The following TTC33 variants were observed in gnomAD, a reference collection of about 807,000 sequenced individuals.
TTC33 encodes tetratricopeptide repeat protein 33.
TTC33 carries 24 observed loss-of-function variants against 29.4 expected under a neutral mutation model. The observed-to-expected ratio is 0.82, with a 90% confidence interval of 0.59 to 1.15. The LOEUF is 1.15. Among genes scored for constraint, TTC33 ranks in the 50% most tolerant of loss-of-function variants. The probability of loss-of-function intolerance (pLI) is 0.00; values close to 1 mark genes in which losing one functional copy is unlikely to be tolerated. For missense variants in TTC33, 286 were observed against 310.4 expected (o/e 0.92, Z 0.59); for synonymous variants, 107 against 100.3 (o/e 1.07, Z -0.40).
chr5:40,742,473 GA>G (rs1742714866), intron 2 of TTC33, among the ~76,000 whole-genome samples: 1 of 152,196 alleles, frequency 6.6e-6, no homozygotes, highest in Non-Finnish European at 1.5e-5. Context: ...CAGAGAAGCT[GA>G]ATAACTTGCC....
chr5:40,749,646 T>G (rs765295940), intron 1 of TTC33, among the ~76,000 whole-genome samples: 4 of 152,108 alleles, frequency 2.6e-5, no homozygotes, highest in Admixed American at 6.5e-5. Flanking sequence ...TATCTCAGAG[T>G]TGTTGCACGG....
intron 2 of TTC33, among the ~76,000 whole-genome samples, chr5:40,738,480 AATACAATACAATAC>A: frequency 9.4e-5 from 13 of 138,082 alleles, no homozygotes; most frequent in Non-Finnish European, 1.4e-4. Context: ...AATACAATAC[AATACAATACAATAC>A]AATACAATAC....
chr5:40,748,273 T>G (rs1742836362), intron 1 of TTC33, among the ~76,000 whole-genome samples: 2 of 152,012 alleles, frequency 1.3e-5, no homozygotes, highest in South Asian at 4.1e-4. Flanking sequence ...CTCGGCTCAT[T>G]GCAACCTCTG....
At chr5:40,723,353 T>C (rs964471120) in intron 4 of TTC33, among the ~76,000 whole-genome samples, 5 of 152,058 alleles carry the variant, frequency 3.3e-5, no homozygotes, top group African/African-American at 1.2e-4. Context: ...CACATGTTTA[T>C]CTGCTGACCT....
intron 2 of TTC33, among the ~76,000 whole-genome samples, chr5:40,732,343 T>G (rs1015050035): frequency 6.6e-6 from 1 of 152,044 alleles, no homozygotes. Flanking sequence ...TTGTTCTCAC[T>G]TTATTGATGA....
chr5:40,728,050 G>A (rs993598414), intron 4 of TTC33, among the ~76,000 whole-genome samples: 1 of 151,928 alleles, frequency 6.6e-6, no homozygotes, highest in African/African-American at 2.4e-5. Context: ...GGGAGGCCGA[G>A]GCTGGAGAAT....
rs1741956945 is a variant in TTC33 at position 40,714,374 on chromosome 5, A to G, written c.*1771T>C. The G allele has an allele frequency of 1.3e-5, 2 of 152,186 alleles. No homozygotes were observed. Among genetic ancestry groups the G allele is most frequent in the African/African-American group, 4.8e-5 (2 of 41,452 alleles). The allele number at this position is 152,186 out of a possible 1,614,324, so 9.4% of individuals were successfully genotyped here. A position where few individuals can be genotyped will look rare whatever the true frequency, so the allele number is the denominator to read the frequency against. On this transcript the variant is annotated 3_prime_UTR_variant, in exon 5 of 5. Transcript: ENST00000337702. ...TACTTCATGTGTGAGGCACCATGCAAGGTACTTTAAATATATTAAGTTCAT... is the reference window on the plus strand; with the variant it reads ...TACTTCATGTGTGAGGCACCATGCAGGGTACTTTAAATATATTAAGTTCAT...
rs144555589 is a variant in TTC33, at chr5:40,744,892, C to A, written c.221+1906G>T. Among the ~76,000 whole-genome samples the A allele has an allele frequency of 5.8e-3, 880 of 152,168 alleles. 6 individuals carry two copies. The highest frequency in any genetic ancestry group is 0.019 in the African/African-American group (783 of 41,510). ...CTAATGGCTGCACTAACAGAGATGG[C>A]AATATAATATTATTTATCTCCCAAT... On this transcript the variant is annotated intron_variant, in intron 2 of 4. Transcript: ENST00000337702.
rs781265831 is a variant in TTC33, at chr5:40,746,857, GCC to G, written c.160_161del (p.Gly54LeufsTer3). 8 of 1,613,832 alleles carry G rather than the reference GCC, an allele frequency of 5.0e-6. No individual in the cohort carries two copies. Among genetic ancestry groups the G allele is most frequent in the Non-Finnish European group, 6.8e-6 (8 of 1,180,016 alleles). Reference sequence around the variant, plus strand: ...TCAGCTGTTTACTTTTCTCAGCACAGCCTTCAAGAAGAATTTCTTTCCTACGT... The same window carrying G: ...TCAGCTGTTTACTTTTCTCAGCACAGTTCAAGAAGAATTTCTTTCCTACGT... ...IKRRKEILLE[G>X]CAEKSKQLKD... On this transcript the variant is annotated frameshift_variant, in exon 2 of 5. Coordinates refer to ENST00000337702, the MANE Select transcript of TTC33 (RefSeq NM_012382.3). LOFTEE classifies it high-confidence loss of function.
intron 4 of TTC33, among the ~76,000 whole-genome samples, chr5:40,723,624 G>A (rs540639721): frequency 1.1e-3 from 164 of 152,248 alleles, no homozygotes; most frequent in Middle Eastern, 3.4e-3. Context: ...CAGCACTGTG[G>A]GAGGCCATGG....
intron 2 of TTC33, among the ~76,000 whole-genome samples, chr5:40,737,252 G>A (rs1217381244): frequency 1.3e-5 from 2 of 151,620 alleles, no homozygotes; most frequent in East Asian, 1.9e-4. Flanking sequence ...AGACAAGATC[G>A]TGCTACTGCA....
intron 4 of TTC33, among the ~76,000 whole-genome samples, chr5:40,726,140 C>CTT (rs1434111240): frequency 6.8e-5 from 6 of 87,612 alleles, no homozygotes; most frequent in South Asian, 3.9e-4. Flanking sequence ...CTCATAAAGT[C>CTT]TTTTATATAT....
intron 1 of TTC33, among the ~76,000 whole-genome samples, chr5:40,754,693 GA>G (rs1742953314): frequency 6.6e-6 from 1 of 152,210 alleles, no homozygotes; most frequent in South Asian, 2.1e-4. Context: ...TGCTACAAGA[GA>G]GTAAACAAAG....
intron 1 of TTC33, among the ~76,000 whole-genome samples, chr5:40,748,991 T>C (rs544624090): frequency 6.6e-6 from 1 of 152,130 alleles, no homozygotes; most frequent in Non-Finnish European, 1.5e-5. Context: ...CCAGGCGTGG[T>C]GGTACATGCC....
At position 40,713,492 on chromosome 5, in the gene TTC33, G is replaced by A. The variant is rs1741937853; in HGVS notation, c.*2653C>T. On this transcript the variant is annotated 3_prime_UTR_variant, in exon 5 of 5. Coordinates refer to ENST00000337702, the MANE Select transcript of TTC33 (RefSeq NM_012382.3). ...CACTGCCATAAAATTTTGTATGTAG[G>A]CCCCAGTTGCAGTAGATCTGGCTCC... Among the ~76,000 whole-genome samples the A allele has an allele frequency of 6.6e-6, 1 of 152,078 alleles. No individual in the cohort carries two copies. Among genetic ancestry groups the A allele is most frequent in the South Asian group, 2.1e-4 (1 of 4,818 alleles).
At chr5:40,731,243 G>T (rs916233609) in intron 2 of TTC33, among the ~76,000 whole-genome samples, 2 of 152,120 alleles carry the variant, frequency 1.3e-5, no homozygotes, top group Non-Finnish European at 2.9e-5. Flanking sequence ...GAAGGAAAAG[G>T]TTGGACTGTT....
In TTC33 at chr5:40,716,327, C is replaced by T. The variant is rs779672721; in HGVS notation, c.607G>A (p.Asp203Asn). The T allele has an allele frequency of 6.2e-7, 1 of 1,614,160 alleles. No homozygotes were observed. Reference protein sequence around the residue: ...VTHFSPKSIPDYDFESDEIVA... With the variant: ...VTHFSPKSIPNYDFESDEIVA... ...ATCTCATCACTTTCAAAGTCATAGT[C>T]TGGAATTGACTTTGGTGAAAAGTGT... Residue 203 changes from aspartate to asparagine, a missense_variant, in exon 5 of 5, where the codon GAC becomes AAC. Coordinates refer to ENST00000337702, the MANE Select transcript of TTC33 (RefSeq NM_012382.3).
intron 2 of TTC33, among the ~76,000 whole-genome samples, chr5:40,738,605 A>T (rs1400388350): frequency 1.3e-5 from 2 of 150,700 alleles, no homozygotes; most frequent in African/African-American, 4.8e-5. Context: ...AAAATAAAAT[A>T]AAAAAGTGAA....
chr5:40,754,954 C>A (rs1384313187), intron 1 of TTC33, among the ~76,000 whole-genome samples: 1 of 152,094 alleles, frequency 6.6e-6, no homozygotes, highest in Admixed American at 6.5e-5. Flanking sequence ...GTTAGAAGCA[C>A]GAGGCTTCAA....
Sources: gnomAD v4.1 joint callset for allele counts (sites outside exome capture counted in the v4.1 genomes callset) on GRCh38, gnomAD v4.1.1 for gene constraint, MANE v1.5 for transcripts, NCBI Gene and HGNC (gene_info 2026-07-23, HGNC 2026-07-21) for gene names.